The following ERBB4 variants were observed in gnomAD, a reference collection of about 807,000 sequenced individuals.
ERBB4 encodes receptor tyrosine-protein kinase erbB-4.
A neutral mutation model predicts 158.0 loss-of-function variants in ERBB4; 42 were observed. That is an observed-to-expected ratio of 0.27 (90% CI 0.21 to 0.34). The LOEUF is 0.34. ERBB4 is among the 10% of genes least tolerant of loss of function. ERBB4 has a pLI of 1.00. For missense variants in ERBB4, 1,333 were observed against 1,624.1 expected (o/e 0.82, Z 3.08); for synonymous variants, 583 against 558.7 (o/e 1.04, Z -0.61).
At chr2:211,952,697 C>T (rs1478883689) in intron 2 of ERBB4, among the ~76,000 whole-genome samples, 1 of 151,944 alleles carries the variant, frequency 6.6e-6, no homozygotes, top group Admixed American at 6.6e-5. Flanking sequence ...CCTCATTTAG[C>T]CTCAGTTTCT....
intron 1 of ERBB4, among the ~76,000 whole-genome samples, chr2:212,383,173 ATAT>A (rs1213937139): frequency 1.3e-5 from 2 of 151,412 alleles, no homozygotes; most frequent in Non-Finnish European, 1.5e-5. Context: ...CATTGAATTT[ATAT>A]TATTATATGC....
At chr2:212,318,669 G>A (rs1439565859) in intron 1 of ERBB4, among the ~76,000 whole-genome samples, 1 of 151,574 alleles carries the variant, frequency 6.6e-6, no homozygotes, top group Non-Finnish European at 1.5e-5. Flanking sequence ...TCAGTGGATT[G>A]GAGTTGAGAG....
Position 212,340,186 on chromosome 2 carries a change from C to A in ERBB4, c.82+198263G>T, listed in dbSNP as rs548109101. ...AAAGTGCTGGTATTATAGTTGAGAG[C>A]CACCACACCCAGTCCAAATTCATAT... On this transcript the variant is annotated intron_variant, in intron 1 of 27. Coordinates refer to ENST00000342788, the MANE Select transcript of ERBB4 (RefSeq NM_005235.3). Among the ~76,000 whole-genome samples the A allele has an allele frequency of 6.6e-5, 10 of 152,100 alleles. No homozygotes were observed. In the South Asian group the frequency reaches 2.1e-3, roughly 32 times the overall value.
chr2:212,398,329 T>C (rs73060388), intron 1 of ERBB4, among the ~76,000 whole-genome samples: 3,636 of 152,202 alleles, frequency 0.024, 138 homozygotes, highest in African/African-American at 0.082. Context: ...CAGGAAAATG[T>C]ATTAGTAAAA....
chr2:211,407,727 C>T (rs2063174933), intron 25 of ERBB4, among the ~76,000 whole-genome samples: 1 of 152,178 alleles, frequency 6.6e-6, no homozygotes, highest in Admixed American at 6.5e-5. Flanking sequence ...CGACAGAACA[C>T]AAATTAGCCT....
chr2:212,063,244 C>T (rs950409698), intron 2 of ERBB4, among the ~76,000 whole-genome samples: 1 of 151,822 alleles, frequency 6.6e-6, no homozygotes, highest in African/African-American at 2.4e-5. Flanking sequence ...AGAATAGAAA[C>T]AGATGATTTA....
intron 1 of ERBB4, among the ~76,000 whole-genome samples, chr2:212,159,157 T>G (rs913461414): frequency 6.6e-6 from 1 of 151,900 alleles, no homozygotes; most frequent in Non-Finnish European, 1.5e-5. Context: ...CACAAACACA[T>G]GGACTTAGAA....
chr2:212,041,629 C>T (rs956838397), intron 2 of ERBB4, among the ~76,000 whole-genome samples: 7 of 150,174 alleles, frequency 4.7e-5, no homozygotes, highest in African/African-American at 1.5e-4. Flanking sequence ...CTCAAATTAC[C>T]GCGTTCTTTC....
chr2:212,512,954 TTC>T (rs1691607809), intron 1 of ERBB4, among the ~76,000 whole-genome samples: 1 of 152,190 alleles, frequency 6.6e-6, no homozygotes, highest in South Asian at 2.1e-4. Context: ...TTGAGATTAT[TTC>T]TTTCAAAACT....
chr2:212,189,475 C>T (rs1300001633), intron 1 of ERBB4, among the ~76,000 whole-genome samples: 1 of 152,184 alleles, frequency 6.6e-6, no homozygotes, highest in African/African-American at 2.4e-5. Context: ...TCCAAAAACT[C>T]TGATCCACCT....
At chr2:212,374,432 C>A (rs2090248581) in intron 1 of ERBB4, among the ~76,000 whole-genome samples, 1 of 150,442 alleles carries the variant, frequency 6.6e-6, no homozygotes, top group African/African-American at 2.4e-5. Context: ...AGTGAATGTG[C>A]ATCTCTTCCC....
intron 1 of ERBB4, among the ~76,000 whole-genome samples, chr2:212,484,623 C>A (rs933071302): frequency 7.9e-5 from 12 of 152,202 alleles, no homozygotes; most frequent in African/African-American, 2.9e-4. Context: ...CTAAAACAAA[C>A]AAACAAAAAC....
chr2:212,164,855 C>T (rs897551732), intron 1 of ERBB4, among the ~76,000 whole-genome samples: 1 of 151,994 alleles, frequency 6.6e-6, no homozygotes, highest in Non-Finnish European at 1.5e-5. Flanking sequence ...AAAGAACCTG[C>T]ATCCATTTTG....
chr2:211,976,977 C>T (rs755326878), intron 2 of ERBB4, among the ~76,000 whole-genome samples: 1 of 152,072 alleles, frequency 6.6e-6, no homozygotes, highest in Non-Finnish European at 1.5e-5. Flanking sequence ...AGTGCCTATA[C>T]ATATAAAAAT....
chr2:211,416,948 T>A (rs2063407341), intron 25 of ERBB4, among the ~76,000 whole-genome samples: 1 of 152,110 alleles, frequency 6.6e-6, no homozygotes, highest in Non-Finnish European at 1.5e-5. Context: ...GCTTTTTTCG[T>A]TTGGTTAATA....
chr2:211,978,734 C>T (rs1470823015), intron 2 of ERBB4, among the ~76,000 whole-genome samples: 1 of 152,128 alleles, frequency 6.6e-6, no homozygotes, highest in Admixed American at 6.5e-5. Flanking sequence ...AAGTACCATA[C>T]TCAATTCCTC....
chr2:212,037,951 G>GA (rs1243304335), intron 2 of ERBB4, among the ~76,000 whole-genome samples: 1 of 151,946 alleles, frequency 6.6e-6, no homozygotes, highest in Non-Finnish European at 1.5e-5. Context: ...CAGGGATTTT[G>GA]AAAAAATTAG....
At chr2:212,352,084 C>A (rs556718506) in intron 1 of ERBB4, among the ~76,000 whole-genome samples, 4 of 152,180 alleles carry the variant, frequency 2.6e-5, no homozygotes, top group Admixed American at 6.6e-5. Flanking sequence ...CCAAATAGCA[C>A]ATGTCCTCAT....
rs150570377 is a variant in ERBB4, at chr2:211,829,685, C to G, written c.422-41526G>C. On this transcript the variant is annotated intron_variant, in intron 3 of 27. Coordinates refer to ENST00000342788, the MANE Select transcript of ERBB4 (RefSeq NM_005235.3). ...TAAAAAAATGAAAAAAGAATTCACT[C>G]TAGACAAACTGAACACCTTGAGTTT... is the stretch of plus-strand genomic sequence containing the variant. Among the ~76,000 whole-genome samples the G allele has an allele frequency of 3.9e-5, 6 of 152,238 alleles. No homozygotes were observed. In the East Asian group the frequency reaches 1.2e-3, roughly 29 times the overall value.
Sources: allele counts gnomAD v4.1 joint callset (sites outside exome capture counted in the v4.1 genomes callset), GRCh38; gene constraint gnomAD v4.1.1; transcripts MANE v1.5; gene names NCBI Gene and HGNC (gene_info 2026-07-23, HGNC 2026-07-21).